The following RBFOX1 variants were observed in gnomAD, a reference collection of about 807,000 sequenced individuals.
The protein encoded by RBFOX1 is RNA binding fox-1 homolog 1.
A neutral mutation model predicts 57.7 loss-of-function variants in RBFOX1; 8 were observed. That is an observed-to-expected ratio of 0.14 (90% CI 0.08 to 0.25). The LOEUF is 0.25. Among genes scored for constraint, RBFOX1 ranks in the 10% least tolerant of loss-of-function variants. The pLI is 1.00. For missense variants in RBFOX1, 611 were observed against 548.5 expected (o/e 1.11, Z -1.14); for synonymous variants, 326 against 222.4 (o/e 1.47, Z -4.15).
chr16:7,221,795 C>G (rs977075211), intron 4 of RBFOX1, among the ~76,000 whole-genome samples: 1 of 152,216 alleles, frequency 6.6e-6, no homozygotes, highest in East Asian at 1.9e-4. Context: ...TTATCTTTTA[C>G]AAGCGAGATC....
chr16:6,158,002 G>C (rs1221330662), intron 1 of RBFOX1, among the ~76,000 whole-genome samples: 2 of 152,182 alleles, frequency 1.3e-5, no homozygotes, highest in Admixed American at 6.6e-5. Context: ...GCTGAACCTG[G>C]TCATGTGACC....
chr16:7,245,185 A>C (rs1377986942), intron 4 of RBFOX1, among the ~76,000 whole-genome samples: 2 of 152,204 alleles, frequency 1.3e-5, no homozygotes, highest in African/African-American at 2.4e-5. Context: ...CTAGATCCTA[A>C]CTAAAATAAT....
At chr16:6,573,918 G>C (rs1250653790) in intron 2 of RBFOX1, 1 of 152,210 alleles carries the variant, frequency 6.6e-6, no homozygotes, top group Non-Finnish European at 1.5e-5. Context: ...GTCAGAGGAA[G>C]ACAGGCAAGC....
chr16:6,461,815 C>G (rs753116004), intron 2 of RBFOX1, among the ~76,000 whole-genome samples: 1 of 151,996 alleles, frequency 6.6e-6, no homozygotes, highest in African/African-American at 2.4e-5. Context: ...GTAATATCAT[C>G]CAATAAAAGG....
chr16:6,431,724 G>T (rs546412858), intron 2 of RBFOX1, among the ~76,000 whole-genome samples: 2 of 152,104 alleles, frequency 1.3e-5, no homozygotes, highest in Non-Finnish European at 2.9e-5. Flanking sequence ...CTTCCAATGG[G>T]GTGCTCCTGT....
At chr16:6,633,719 G>A (rs986691666) in intron 2 of RBFOX1, among the ~76,000 whole-genome samples, 4 of 152,232 alleles carry the variant, frequency 2.6e-5, no homozygotes, top group South Asian at 2.1e-4. Context: ...CTTTGGAATC[G>A]AGGCTCTAGC....
intron 3 of RBFOX1, among the ~76,000 whole-genome samples, chr16:6,757,707 G>A (rs1392228893): frequency 6.6e-6 from 1 of 152,088 alleles, no homozygotes; most frequent in Non-Finnish European, 1.5e-5. Flanking sequence ...GGTTAGATAG[G>A]AGTGAGTTCT....
intron 3 of RBFOX1, among the ~76,000 whole-genome samples, chr16:6,900,900 A>G (rs779357153): frequency 6.6e-6 from 1 of 152,158 alleles, no homozygotes; most frequent in Non-Finnish European, 1.5e-5. Context: ...GAACTGCTAG[A>G]TCCCCAGCAT....
chr16:5,277,702 T>A (rs1345590856), intron 1 of RBFOX1, among the ~76,000 whole-genome samples: 1 of 152,162 alleles, frequency 6.6e-6, no homozygotes, highest in Non-Finnish European at 1.5e-5. Context: ...TGGCCCCCAC[T>A]TTGATTTCCA....
At chr16:6,190,715 C>G (rs1444233240) in intron 1 of RBFOX1, among the ~76,000 whole-genome samples, 1 of 152,260 alleles carries the variant, frequency 6.6e-6, no homozygotes, top group Non-Finnish European at 1.5e-5. Context: ...TGGTCCCACC[C>G]TTAAAATTAT....
At chr16:5,430,853 A>G (rs1490400410) in intron 1 of RBFOX1, among the ~76,000 whole-genome samples, 1 of 152,222 alleles carries the variant, frequency 6.6e-6, no homozygotes, top group Non-Finnish European at 1.5e-5. Flanking sequence ...ACCTTTACAC[A>G]TAGCCTCCAA....
At chr16:7,588,297 A>G (rs1465091532) in intron 7 of RBFOX1, among the ~76,000 whole-genome samples, 1 of 152,234 alleles carries the variant, frequency 6.6e-6, no homozygotes, top group Non-Finnish European at 1.5e-5. Context: ...GAATATCAGC[A>G]TCACCTAGGA....
intron 1 of RBFOX1, among the ~76,000 whole-genome samples, chr16:5,376,669 T>C (rs1596733202): frequency 6.6e-6 from 1 of 151,882 alleles, no homozygotes; most frequent in East Asian, 1.9e-4. Context: ...TGGCACATGC[T>C]GCGGGTACCA....
intron 1 of RBFOX1, among the ~76,000 whole-genome samples, chr16:5,317,642 A>G (rs2064279778): frequency 6.6e-6 from 1 of 152,118 alleles, no homozygotes; most frequent in East Asian, 1.9e-4. Flanking sequence ...AACAAAAAGA[A>G]AAAGAAAAAA....
intron 3 of RBFOX1, among the ~76,000 whole-genome samples, chr16:6,777,942 C>T (rs1388500500): frequency 6.6e-6 from 1 of 152,084 alleles, no homozygotes; most frequent in Non-Finnish European, 1.5e-5. Context: ...AATTTCAGTG[C>T]AGGTGGTAAT....
intron 4 of RBFOX1, among the ~76,000 whole-genome samples, chr16:7,174,428 G>A (rs889854724): frequency 2.0e-5 from 3 of 152,056 alleles, no homozygotes; most frequent in Admixed American, 6.6e-5. Context: ...CCTTTCTTGG[G>A]TAGATATTTA....
At chr16:7,036,887 C>A (rs1447875149) in intron 3 of RBFOX1, among the ~76,000 whole-genome samples, 1 of 152,150 alleles carries the variant, frequency 6.6e-6, no homozygotes, top group Non-Finnish European at 1.5e-5. Context: ...CCCCTTGGGG[C>A]TGCTTGTTTC....
chr16:7,383,267 T>TA (rs201018914), intron 4 of RBFOX1, among the ~76,000 whole-genome samples: 7,312 of 134,588 alleles, frequency 0.054, 540 homozygotes, highest in African/African-American at 0.17. Context: ...CCATAAAAAT[T>TA]AAAAAAAAAA....
In RBFOX1 at chr16:7,007,627, T is replaced by C. The variant is rs75905091; in HGVS notation, c.-15-44430T>C. Among the ~76,000 whole-genome samples the C allele has an allele frequency of 6.8e-3, 1,039 of 152,324 alleles. 13 individuals are homozygous for C. The highest frequency in any genetic ancestry group is 0.024 in the African/African-American group (979 of 41,572). On this transcript the variant is annotated intron_variant, in intron 3 of 15. Transcript: ENST00000550418. ...TTGACTGTTTTAGTCATTCTTTCAATGTAAATGTACGTTTCTACTCTTTCT... is the reference window on the plus strand; with the variant it reads ...TTGACTGTTTTAGTCATTCTTTCAACGTAAATGTACGTTTCTACTCTTTCT...
Sources: gnomAD v4.1 joint callset for allele counts (sites outside exome capture counted in the v4.1 genomes callset) on GRCh38, gnomAD v4.1.1 for gene constraint, MANE v1.5 for transcripts, NCBI Gene and HGNC (gene_info 2026-07-23, HGNC 2026-07-21) for gene names.